The following KCNH7 variants were observed in gnomAD, a reference collection of about 807,000 sequenced individuals.
KCNH7 encodes the protein potassium voltage-gated channel subfamily H member 7.
A neutral mutation model predicts 120.8 loss-of-function variants in KCNH7; 49 were observed. The ratio of observed to expected loss-of-function variants is 0.41; its 90% CI spans 0.32 to 0.51. The LOEUF is 0.51. Among genes scored for constraint, KCNH7 ranks in the 20% least tolerant of loss-of-function variants. KCNH7 has a pLI of 0.38. For synonymous variants in KCNH7, 547 were observed against 516.1 expected (o/e 1.06, Z -0.81); for missense variants, 1,097 against 1,446.6 (o/e 0.76, Z 3.92).
At chr2:162,799,440 C>T (rs1440084991) in intron 2 of KCNH7, among the ~76,000 whole-genome samples, 3 of 151,714 alleles carry the variant, frequency 2.0e-5, no homozygotes, top group Non-Finnish European at 2.9e-5. Flanking sequence ...AATAATCAAG[C>T]AATATTTTTT....
At chr2:162,825,215 G>A (rs893197009) in intron 2 of KCNH7, among the ~76,000 whole-genome samples, 1 of 151,864 alleles carries the variant, frequency 6.6e-6, no homozygotes, top group African/African-American at 2.4e-5. Context: ...GTGAAGTGGG[G>A]CATCCAGCGA....
At chr2:162,435,619 G>C (rs1317004747) in intron 7 of KCNH7, 22 bp from the exon 8 acceptor site, 1 of 1,541,716 alleles carries the variant, frequency 6.5e-7, no homozygotes, top group East Asian at 2.3e-5. Flanking sequence ...AATGTACACA[G>C]TCAGAAACGG....
intron 2 of KCNH7, among the ~76,000 whole-genome samples, chr2:162,557,014 C>T (rs1692879065): frequency 6.6e-6 from 1 of 152,180 alleles, no homozygotes; most frequent in Admixed American, 6.5e-5. Context: ...AACAAACCAC[C>T]TCAACACTTA....
chr2:162,536,214 C>G (rs1387340833), intron 3 of KCNH7, among the ~76,000 whole-genome samples: 4 of 151,766 alleles, frequency 2.6e-5, no homozygotes, highest in African/African-American at 4.8e-5. Context: ...ATAAAAGACG[C>G]ATTATTTTCT....
chr2:162,505,382 G>T (rs868182567), intron 5 of KCNH7, among the ~76,000 whole-genome samples: 6 of 150,930 alleles, frequency 4.0e-5, no homozygotes, highest in Admixed American at 1.3e-4. Context: ...ATTAAAAACC[G>T]CAAAAGACTA....
intron 12 of KCNH7, among the ~76,000 whole-genome samples, chr2:162,391,295 G>A (rs1171363271): frequency 6.6e-6 from 1 of 152,050 alleles, no homozygotes; most frequent in African/African-American, 2.4e-5. Context: ...TATATTATGT[G>A]TATTTTTCTC....
chr2:162,692,263 C>T (rs1487314216), intron 2 of KCNH7, among the ~76,000 whole-genome samples: 1 of 151,682 alleles, frequency 6.6e-6, no homozygotes, highest in Non-Finnish European at 1.5e-5. Context: ...GTAGCTAGGA[C>T]AATAGGCACA....
intron 2 of KCNH7, among the ~76,000 whole-genome samples, chr2:162,786,403 T>C (rs148392364): frequency 2.0e-3 from 307 of 152,248 alleles, no homozygotes; most frequent in Non-Finnish European, 3.7e-3. Context: ...TAAGAGAACA[T>C]GCACAGAGGT....
intron 2 of KCNH7, among the ~76,000 whole-genome samples, chr2:162,583,969 A>G (rs762324544): frequency 5.9e-5 from 9 of 152,164 alleles, no homozygotes; most frequent in Non-Finnish European, 1.3e-4. Context: ...GCAGTACCCA[A>G]TAATCAAGCA....
intron 5 of KCNH7, among the ~76,000 whole-genome samples, 200 bp from the exon 6 acceptor site, chr2:162,504,857 C>G (rs539525585): frequency 6.6e-6 from 1 of 152,034 alleles, no homozygotes; most frequent in South Asian, 2.1e-4. Context: ...GAGAATAAGA[C>G]TGGGTTCTAA....
intron 9 of KCNH7, among the ~76,000 whole-genome samples, chr2:162,403,810 C>A (rs1270215235): frequency 6.6e-6 from 1 of 151,828 alleles, no homozygotes; most frequent in African/African-American, 2.4e-5. Flanking sequence ...GTTTTAATGT[C>A]CCAAATAAGT....
At chr2:162,724,690 T>C (rs940330870) in intron 2 of KCNH7, among the ~76,000 whole-genome samples, 2 of 149,408 alleles carry the variant, frequency 1.3e-5, no homozygotes, top group African/African-American at 2.5e-5. Flanking sequence ...AAAAAGAATA[T>C]ACTGTAATAA....
intron 2 of KCNH7, among the ~76,000 whole-genome samples, chr2:162,740,582 CA>C (rs1437548539): frequency 1.3e-5 from 2 of 152,202 alleles, no homozygotes; most frequent in African/African-American, 4.8e-5. Flanking sequence ...TTATTACAGT[CA>C]TACCGTGCTC....
At chr2:162,482,996 G>T (rs1689979170) in intron 6 of KCNH7, among the ~76,000 whole-genome samples, 1 of 151,900 alleles carries the variant, frequency 6.6e-6, no homozygotes. Flanking sequence ...TTATATTCTG[G>T]ATTTATTCTC....
chr2:162,471,199 C>T (rs190395386), intron 6 of KCNH7, among the ~76,000 whole-genome samples: 282 of 151,472 alleles, frequency 1.9e-3, no homozygotes, highest in African/African-American at 6.4e-3. Flanking sequence ...GTCCTATGAC[C>T]CTGCCAAATC....
chr2:162,599,550 C>G (rs1057048536), intron 2 of KCNH7, among the ~76,000 whole-genome samples: 11 of 151,612 alleles, frequency 7.3e-5, no homozygotes, highest in Admixed American at 2.0e-4. Context: ...CTTTGTATTC[C>G]AAAATTTCCA....
At chr2:162,781,219 G>A (rs1490288622) in intron 2 of KCNH7, among the ~76,000 whole-genome samples, 1 of 151,838 alleles carries the variant, frequency 6.6e-6, no homozygotes, top group Admixed American at 6.6e-5. Flanking sequence ...TGTGCTAAAT[G>A]TTTTGTATGT....
At chr2:162,449,897 T>G (rs140224752) in intron 6 of KCNH7, among the ~76,000 whole-genome samples, 1 of 152,124 alleles carries the variant, frequency 6.6e-6, no homozygotes, top group East Asian at 1.9e-4. Context: ...AATAAAATAT[T>G]TATAAAACAG....
At chr2:162,597,871 C>G (rs1004317601) in intron 2 of KCNH7, among the ~76,000 whole-genome samples, 1 of 152,008 alleles carries the variant, frequency 6.6e-6, no homozygotes, top group African/African-American at 2.4e-5. Flanking sequence ...ATTTTGAAAA[C>G]TTAATTTTTT....
Sources: allele counts gnomAD v4.1 joint callset (sites outside exome capture counted in the v4.1 genomes callset), GRCh38; gene constraint gnomAD v4.1.1; transcripts MANE v1.5; gene names NCBI Gene and HGNC (gene_info 2026-07-23, HGNC 2026-07-21).